Variants in EML6 observed in about 807,000 individuals in gnomAD.
EML6 encodes EMAP like 6.
In EML6, 154 loss-of-function variants were observed where a neutral mutation model predicts 240.1. That is an observed-to-expected ratio of 0.64 (90% CI 0.56 to 0.73). The LOEUF is 0.73. Ranked by LOEUF, EML6 falls within the 30% of genes least tolerant of loss-of-function variation. The pLI is 0.00. For synonymous variants in EML6, 1,148 were observed against 899.0 expected, an observed-to-expected ratio of 1.28 and a Z score of -4.95; for missense variants, 2,964 against 2,474.6, an observed-to-expected ratio of 1.20 and a Z score of -4.20.
intron 7 of EML6, among the ~76,000 whole-genome samples, chr2:54,832,969 T>C (rs1451983500): frequency 6.6e-6 from 1 of 152,232 alleles, no homozygotes; most frequent in Non-Finnish European, 1.5e-5. Flanking sequence ...TTCTTCTGTA[T>C]TTTTGCTATT....
At chr2:54,830,742 G>A (rs999418262) in intron 7 of EML6, among the ~76,000 whole-genome samples, 5 of 152,198 alleles carry the variant, frequency 3.3e-5, no homozygotes, top group Non-Finnish European at 7.3e-5. Flanking sequence ...TGAGCAACAG[G>A]GAAATGAGCT....
At chr2:54,936,378 T>C (rs1194299012) in intron 28 of EML6, among the ~76,000 whole-genome samples, 1 of 152,240 alleles carries the variant, frequency 6.6e-6, no homozygotes, top group African/African-American at 2.4e-5. Context: ...TTTAAATGCC[T>C]CCTGTTTGAC....
intron 2 of EML6, among the ~76,000 whole-genome samples, chr2:54,735,842 C>T (rs1006318070): frequency 6.6e-6 from 1 of 152,234 alleles, no homozygotes; most frequent in Non-Finnish European, 1.5e-5. Context: ...TGTAAGGCAG[C>T]ATCTGCCAGC....
rs1169932042 is a variant in EML6 at position 54,903,174 on chromosome 2, C to G, written c.3255C>G (p.Ile1085Met). The change falls in exon 23 of 42, where the codon ATC (isoleucine) becomes ATG (methionine). Residue 1085 changes from isoleucine (I) to methionine (M), a missense_variant. By Grantham distance (10) the Ile-to-Met change is conservative. Transcript: ENST00000356458. The part of the protein sequence containing the change: ...MVSFHHRKEM[I>M]SDIKFSKDTG... ...CTTTCCATCACAGAAAAGAAATGATCTCTGATATTAAGTTTTCAAAAGGTG... is the reference window on the plus strand; with the variant it reads ...CTTTCCATCACAGAAAAGAAATGATGTCTGATATTAAGTTTTCAAAAGGTG... The G allele has an allele frequency of 6.4e-7, 1 of 1,551,816 alleles. No individual in the cohort carries two copies. Among genetic ancestry groups the G allele is most frequent in the Non-Finnish European group, 8.7e-7 (1 of 1,147,000 alleles).
intron 2 of EML6, among the ~76,000 whole-genome samples, chr2:54,810,583 C>G (rs556630365): frequency 6.6e-6 from 1 of 152,328 alleles, no homozygotes; most frequent in East Asian, 1.9e-4. Context: ...ATTTATATCT[C>G]TTGAAAGTGT....
intron 28 of EML6, among the ~76,000 whole-genome samples, chr2:54,947,917 G>A (rs1675769282): frequency 4.6e-5 from 7 of 152,184 alleles, no homozygotes. Context: ...CTGTTCACTT[G>A]GAAAATGCTT....
chr2:54,866,906 C>A (rs1004615027), intron 14 of EML6, 22 bp downstream of exon 14: 1 of 1,404,984 alleles, frequency 7.1e-7, no homozygotes, highest in Admixed American at 2.0e-5. Flanking sequence ...GTCATGGGCG[C>A]CCGTATGTGT....
chr2:54,955,361 C>T (rs1676183780), intron 32 of EML6, among the ~76,000 whole-genome samples: 1 of 152,120 alleles, frequency 6.6e-6, no homozygotes, highest in Non-Finnish European at 1.5e-5. Flanking sequence ...GGAGAAATTC[C>T]TTCAAATGCA....
chr2:54,869,657 C>T (rs191397080), intron 15 of EML6, among the ~76,000 whole-genome samples: 2 of 152,124 alleles, frequency 1.3e-5, no homozygotes, highest in African/African-American at 4.8e-5. Flanking sequence ...TTATATACTT[C>T]CTCGCTGTAT....
rs370065421 is a variant in EML6, at chr2:54,788,334, C to A, written c.198-24898C>A. The stretch of plus-strand genomic sequence containing the variant: ...TGTTTTGTTGTGCCGGCTCCTGTGT[C>A]TCACTTGAACCTAACTCCCTTCCTG... On this transcript the variant is annotated intron_variant, in intron 2 of 41. Coordinates refer to ENST00000356458, the MANE Select transcript of EML6 (RefSeq NM_001039753.4). 2.9e-3 allele frequency among the ~76,000 whole-genome samples: 440 copies of A among 152,328 alleles called. 2 individuals carry two copies. The highest frequency in any genetic ancestry group is 9.8e-3 in the African/African-American group (408 of 41,564).
intron 12 of EML6, among the ~76,000 whole-genome samples, chr2:54,863,256 G>T (rs550558970): frequency 4.6e-5 from 7 of 152,160 alleles, no homozygotes; most frequent in Admixed American, 2.6e-4. Flanking sequence ...TTTAAAACCT[G>T]CCCATTTTAC....
At chr2:54,965,031 C>G (rs182259761) in intron 38 of EML6, among the ~76,000 whole-genome samples, 140 of 152,284 alleles carry the variant, frequency 9.2e-4, no homozygotes, top group African/African-American at 3.3e-3. Context: ...TTCCTGATTT[C>G]TAGTTTTCTG....
At chr2:54,952,056 C>A (rs1676008322) in intron 30 of EML6, among the ~76,000 whole-genome samples, 1 of 152,182 alleles carries the variant, frequency 6.6e-6, no homozygotes, top group African/African-American at 2.4e-5. Flanking sequence ...TTAGGGCTTT[C>A]CAGGGTAAAG....
At chr2:54,825,411 G>A (rs1252567562) in intron 5 of EML6, among the ~76,000 whole-genome samples, 3 of 152,000 alleles carry the variant, frequency 2.0e-5, no homozygotes, top group Non-Finnish European at 4.4e-5. Context: ...CTTTATTACA[G>A]GTGTGTGCTA....
chr2:54,964,017 C>A lies in EML6; in HGVS notation c.5189C>A (p.Ala1730Glu). 1.9e-6 allele frequency: 3 copies of A among 1,551,126 alleles called. No homozygotes were observed. Among genetic ancestry groups the A allele is most frequent in the Non-Finnish European group, 1.7e-6 (2 of 1,146,786 alleles). Residue 1730 changes from alanine to glutamate, a missense_variant, in exon 37 of 42, where the codon GCG becomes GAG. Ala to Glu is a moderately radical substitution (Grantham distance 107). Coordinates refer to ENST00000356458, the MANE Select transcript of EML6 (RefSeq NM_001039753.4). ...TTAAACAAGGTGAGCTTGGGCCATG[C>A]GGCCAGGTGTGCAGCCTACAGCCCT... ...KLLNKVSLGH[A>E]ARCAAYSPDG... is the part of the protein sequence containing the mutation.
At chr2:54,827,512 G>A in intron 5 of EML6, 54 bp from the exon 6 acceptor site, 1 of 1,388,590 alleles carries the variant, frequency 7.2e-7, no homozygotes, top group Non-Finnish European at 1.0e-6. Flanking sequence ...AAACACCAAT[G>A]CAATACATCC....
intron 2 of EML6, among the ~76,000 whole-genome samples, chr2:54,784,529 C>T (rs1489640878): frequency 6.6e-6 from 1 of 152,116 alleles, no homozygotes. Context: ...TAAAATGGGA[C>T]TTAGGGATGC....
chr2:54,842,284 T>G (rs1016807734), intron 7 of EML6, among the ~76,000 whole-genome samples: 1 of 152,172 alleles, frequency 6.6e-6, no homozygotes, highest in Non-Finnish European at 1.5e-5. Flanking sequence ...CAGTAAACAG[T>G]TTTTAGAATG....
At chr2:54,831,617 T>G (rs1045118872) in intron 7 of EML6, among the ~76,000 whole-genome samples, 2 of 152,254 alleles carry the variant, frequency 1.3e-5, no homozygotes, top group Non-Finnish European at 2.9e-5. Flanking sequence ...AGCCTGCACC[T>G]CATAGGATGT....
Sources: gnomAD v4.1 joint callset for allele counts (sites outside exome capture counted in the v4.1 genomes callset) on GRCh38, gnomAD v4.1.1 for gene constraint, MANE v1.5 for transcripts, NCBI Gene and HGNC (gene_info 2026-07-23, HGNC 2026-07-21) for gene names.